ULK2: variants seen among roughly 807,000 people sequenced by gnomAD.
ULK2 encodes serine/threonine-protein kinase ULK2.
Under a neutral mutation model 127.5 loss-of-function variants are expected in ULK2, and 76 were observed. The ratio of observed to expected loss-of-function variants is 0.60; its 90% CI spans 0.50 to 0.72. The LOEUF (loss-of-function observed/expected upper bound fraction) is 0.72. Ranked by LOEUF, ULK2 falls within the 30% of genes least tolerant of loss-of-function variation. The probability of loss-of-function intolerance (pLI) is 0.00; values close to 1 mark genes in which losing one functional copy is unlikely to be tolerated. For missense variants in ULK2, 1,144 were observed against 1,295.9 expected (o/e 0.88, Z 1.80); for synonymous variants, 452 against 461.9 (o/e 0.98, Z 0.28).
In ULK2 at chr17:19,780,613, G is replaced by A. The variant is rs769880737; in HGVS notation, c.2775C>T (p.Asn925=). Residue 925 remains asparagine (N), a synonymous_variant, in exon 25 of 27, where the codon AAC becomes AAT. Transcript: ENST00000395544. ...TAVKQVVKNL[N]ERYKFCITMC... is the part of the protein sequence containing the mutation. ...TGGTGATGCAGAATTTATATCGTTC[G>A]TTCAGATTCTTGACAACTGAAAAAA... is the stretch of plus-strand genomic sequence containing the variant. The A allele has an allele frequency of 6.6e-5, 106 of 1,601,574 alleles. No homozygotes were observed. The highest frequency in any genetic ancestry group is 8.2e-5 in the Non-Finnish European group (96 of 1,176,272).
chr17:19,839,404 C>T (rs2041680584), intron 9 of ULK2, among the ~76,000 whole-genome samples: 1 of 152,134 alleles, frequency 6.6e-6, no homozygotes, highest in South Asian at 2.1e-4. Flanking sequence ...GTGTCTCACA[C>T]CTGTAATCCC....
At chr17:19,845,458 C>A (rs2041858808) in intron 6 of ULK2, 81 bp from the exon 7 acceptor site, 1 of 1,063,682 alleles carries the variant, frequency 9.4e-7, no homozygotes, top group Non-Finnish European at 1.4e-6. Flanking sequence ...CTTCGAGACA[C>A]AAGAAGGCAC....
intron 26 of ULK2, among the ~76,000 whole-genome samples, chr17:19,776,921 G>T: frequency 6.6e-6 from 1 of 152,260 alleles, no homozygotes; most frequent in Admixed American, 6.5e-5. Context: ...AAGTAACACC[G>T]TGTAGAAATC....
intron 14 of ULK2, among the ~76,000 whole-genome samples, chr17:19,808,188 C>A (rs2087554155): frequency 6.6e-6 from 1 of 152,176 alleles, no homozygotes; most frequent in African/African-American, 2.4e-5. Flanking sequence ...CAGGGACAGT[C>A]TCTTCAGCAA....
chr17:19,865,370 G>C (rs2042330056), intron 2 of ULK2, among the ~76,000 whole-genome samples: 2 of 152,058 alleles, frequency 1.3e-5, no homozygotes, highest in African/African-American at 2.4e-5. Flanking sequence ...TTTAAAGAAA[G>C]ACCCCAAGCA....
In ULK2 at chr17:19,780,587, A is replaced by C; in HGVS notation, c.2801T>G (p.Met934Arg). Residue 934 changes from methionine to arginine, a missense_variant, in exon 25 of 27, where the codon ATG becomes AGG. This residue lies in a region of ULK2 where 913 missense variants were observed against 970.5 expected (regional missense o/e 0.94). Transcript: ENST00000395544. ...CAGCTTTTCTGTAAGTTTCTTGCAC[A>C]TGGTGATGCAGAATTTATATCGTTC... ...LNERYKFCIT[M>R]CKKLTEKLNR... The C allele has an allele frequency of 6.2e-7, 1 of 1,613,396 alleles. No homozygotes were observed. The highest frequency in any genetic ancestry group is 8.5e-7 in the Non-Finnish European group (1 of 1,179,760).
intron 3 of ULK2, among the ~76,000 whole-genome samples, chr17:19,856,975 T>C (rs2152401611): frequency 1.8e-5 from 1 of 56,722 alleles, no homozygotes; most frequent in Non-Finnish European, 2.9e-5. Flanking sequence ...AGACTCCATC[T>C]CCAAAAAAAA....
rs1035949944 is a variant in ULK2, at chr17:19,773,410, C to T, written c.*2939G>A. 1 of 152,172 alleles carries T rather than the reference C, an allele frequency of 6.6e-6. No individual in the cohort carries two copies. The highest frequency in any genetic ancestry group is 2.4e-5 in the African/African-American group (1 of 41,418). The allele number at this position is 152,172 out of a possible 1,614,324, so 9.4% of individuals were successfully genotyped here. On this transcript the variant is annotated 3_prime_UTR_variant, in exon 27 of 27. Transcript: ENST00000395544. ...CCTAAAAATCCTCTCCTCTCAAGCT[C>T]CTGGACGGGACTCTAGTGAGGGCAG...
chr17:19,863,140 G>C (rs982105541), intron 3 of ULK2, among the ~76,000 whole-genome samples: 1 of 151,964 alleles, frequency 6.6e-6, no homozygotes. Flanking sequence ...CTTTAACCCG[G>C]GGGGGCAGAG....
At chr17:19,795,531 C>T in intron 20 of ULK2, 91 bp downstream of exon 20, 2 of 1,066,788 alleles carry the variant, frequency 1.9e-6, no homozygotes, top group Non-Finnish European at 2.9e-6. Context: ...TTTATGCCAC[C>T]AAGCATGTGA....
intron 20 of ULK2, among the ~76,000 whole-genome samples, chr17:19,788,391 G>A (rs949304642): frequency 6.6e-6 from 1 of 151,700 alleles, no homozygotes; most frequent in Non-Finnish European, 1.5e-5. Context: ...ACAGTAGGAC[G>A]AGCCCCGGGC....
intron 10 of ULK2, among the ~76,000 whole-genome samples, chr17:19,836,363 C>G (rs1039919104): frequency 6.6e-6 from 1 of 151,880 alleles, no homozygotes. Flanking sequence ...GAGCCGAGAT[C>G]GCGCCACTGC....
intron 10 of ULK2, among the ~76,000 whole-genome samples, chr17:19,833,595 A>G (rs2041518707): frequency 6.6e-6 from 1 of 152,164 alleles, no homozygotes; most frequent in Non-Finnish European, 1.5e-5. Flanking sequence ...CTGTAGTCCC[A>G]GCTATGCAGG....
intron 4 of ULK2, 58 bp downstream of exon 4, chr17:19,849,684 T>TAAAA (rs11295844): frequency 3.0e-6 from 3 of 989,544 alleles, no homozygotes; most frequent in Admixed American, 3.5e-5. Context: ...TGCTAGAATC[T>TAAAA]AAAAAAAAAA....
rs1049003459 is a variant in ULK2, at chr17:19,776,008, A to G, written c.*341T>C. 1.3e-5 allele frequency: 3 copies of G among 228,806 alleles called. No individual in the cohort carries two copies. Among genetic ancestry groups the G allele is most frequent in the African/African-American group, 6.9e-5 (3 of 43,692 alleles). 14.2% of individuals were successfully genotyped at this position (228,806 alleles called of 1,614,324 possible). On this transcript the variant is annotated 3_prime_UTR_variant, in exon 27 of 27. Coordinates refer to ENST00000395544, the MANE Select transcript of ULK2 (RefSeq NM_014683.4). ...CACTGCTCTGATGAACCCAGTGACG[A>G]GCACTCACTTTGTTTCATTTTTAAT... is the stretch of plus-strand genomic sequence containing the variant.
At chr17:19,845,053 T>C (rs937295858) in intron 7 of ULK2, among the ~76,000 whole-genome samples, 5 of 152,224 alleles carry the variant, frequency 3.3e-5, no homozygotes, top group Non-Finnish European at 4.4e-5. Context: ...TTCAACTTAA[T>C]AGATTTGTCT....
rs1694675486 is a variant in ULK2 at position 19,841,506 on chromosome 17, G to T, written c.687C>A (p.Asn229Lys). ...ACACATACCTAGGCATTAAGCTCCT[G>T]TTTTTTTCATAAAACATCCTTAAGT... ...PQDLRMFYEK[N>K]RSLMPSIPRE... The change falls in exon 9 of 27, where the codon AAC becomes AAA. Residue 229 changes from asparagine to lysine, a missense_variant. Around this residue, in one of 2 missense-constraint regions of ULK2, gnomAD observed 231 missense variants for 325.4 expected, o/e 0.71. Transcript: ENST00000395544. The T allele has an allele frequency of 6.3e-7, 1 of 1,589,794 alleles. No individual in the cohort carries two copies. The highest frequency in any genetic ancestry group is 8.5e-7 in the Non-Finnish European group (1 of 1,172,964).
chr17:19,861,479 A>G (rs972150385), intron 3 of ULK2, among the ~76,000 whole-genome samples: 1 of 152,180 alleles, frequency 6.6e-6, no homozygotes, highest in African/African-American at 2.4e-5. Flanking sequence ...CAGGAGGCGA[A>G]GCTTGCAGTG....
Position 19,796,266 on chromosome 17 carries a change from T to C in ULK2, c.1826A>G (p.Lys609Arg). ...GSPTKTTAPF[K>R]IPKTQASSNL... ...GGAAGATGCTTGAGTTTTAGGGATT[T>C]TGAAAGGAGCTGTGGTCTAAAGAGA... Residue 609 changes from lysine (K) to arginine (R), a missense_variant, in exon 19 of 27, where the codon AAA (lysine) becomes AGA (arginine). Transcript: ENST00000395544. The C allele has an allele frequency of 6.2e-7, 1 of 1,605,886 alleles. No individual in the cohort carries two copies. The highest frequency in any genetic ancestry group is 8.5e-7 in the Non-Finnish European group (1 of 1,178,444).
Sources: allele counts gnomAD v4.1 joint callset (sites outside exome capture counted in the v4.1 genomes callset), GRCh38; gene constraint gnomAD v4.1.1; regional missense constraint gnomAD v4.1.1; transcripts MANE v1.5; gene names NCBI Gene and HGNC (gene_info 2026-07-23, HGNC 2026-07-21).